FNDC3B: variants seen among roughly 807,000 people sequenced by gnomAD.
FNDC3B encodes the protein fibronectin type III domain containing 3B.
In FNDC3B, 12 loss-of-function variants were observed where a neutral mutation model predicts 151.5. That is an observed-to-expected ratio of 0.08 (90% CI 0.05 to 0.13). The LOEUF (loss-of-function observed/expected upper bound fraction) is 0.13. FNDC3B is among the 10% of genes least tolerant of loss of function. The pLI is 1.00. For missense variants in FNDC3B, 1,214 were observed against 1,505.3 expected (o/e 0.81, Z 3.20); for synonymous variants, 528 against 549.0 (o/e 0.96, Z 0.54).
At chr3:172,371,146 C>T (rs1734861546) in intron 23 of FNDC3B, among the ~76,000 whole-genome samples, 1 of 151,724 alleles carries the variant, frequency 6.6e-6, no homozygotes, top group Non-Finnish European at 1.5e-5. Flanking sequence ...TCCATGGAAG[C>T]TCCAGTCCCT....
intron 1 of FNDC3B, among the ~76,000 whole-genome samples, chr3:172,100,920 A>G (rs1380689524): frequency 6.6e-6 from 1 of 152,208 alleles, no homozygotes; most frequent in Non-Finnish European, 1.5e-5. Context: ...TTTTTGAAAA[A>G]ATATTTGAAC....
intron 1 of FNDC3B, among the ~76,000 whole-genome samples, chr3:172,109,992 A>G (rs1270517847): frequency 6.6e-6 from 1 of 152,084 alleles, no homozygotes; most frequent in East Asian, 1.9e-4. Flanking sequence ...GGATCCATCT[A>G]CCTTATCCCA....
At chr3:172,298,883 A>G in intron 9 of FNDC3B, 96 bp downstream of exon 9, 4 of 809,466 alleles carry the variant, frequency 4.9e-6, no homozygotes, top group Non-Finnish European at 5.9e-6. Context: ...AATGTTGCTT[A>G]CCTTGCTGAA....
chr3:172,367,100 C>G (rs191284866), intron 23 of FNDC3B, among the ~76,000 whole-genome samples: 1 of 152,148 alleles, frequency 6.6e-6, no homozygotes, highest in Non-Finnish European at 1.5e-5. Flanking sequence ...ATTCTACCCC[C>G]CTGGGATAGG....
chr3:172,228,066 T>C (rs1306947969), intron 4 of FNDC3B, among the ~76,000 whole-genome samples: 1 of 152,170 alleles, frequency 6.6e-6, no homozygotes, highest in Non-Finnish European at 1.5e-5. Flanking sequence ...TGTGAGCCAA[T>C]TGGACTTTAT....
Position 172,386,327 on chromosome 3 carries a change from G to A in FNDC3B, c.3303+5234G>A, listed in dbSNP as rs1299123725. Among the ~76,000 whole-genome samples, 9 of 152,274 alleles carry A rather than the reference G, an allele frequency of 5.9e-5. No homozygotes were observed. In the East Asian group the frequency reaches 1.7e-3, roughly 29 times the overall value. The stretch of plus-strand genomic sequence containing the variant: ...CAGGCAGCAATAACTTTTCTAAGAA[G>A]TATTTAATATAAGCATTGAAGACAA... On this transcript the variant is annotated intron_variant, in intron 25 of 25. Coordinates refer to ENST00000415807, the MANE Select transcript of FNDC3B (RefSeq NM_022763.4).
chr3:172,344,282 A>C, intron 19 of FNDC3B, 24 bp downstream of exon 19: 1 of 1,576,298 alleles, frequency 6.3e-7, no homozygotes, highest in Non-Finnish European at 8.6e-7. Context: ...CATACACCAT[A>C]ACCAGAATCA....
chr3:172,220,382 TGTTGA>T (rs553557414), intron 3 of FNDC3B, among the ~76,000 whole-genome samples: 105 of 152,356 alleles, frequency 6.9e-4, no homozygotes, highest in Non-Finnish European at 1.1e-3. Context: ...TTTGTCTTTT[TGTTGA>T]GTTGTGAGAG....
intron 11 of FNDC3B, among the ~76,000 whole-genome samples, chr3:172,314,853 C>T (rs61124219): frequency 0.025 from 3,822 of 152,232 alleles, 143 homozygotes; most frequent in African/African-American, 0.076. Context: ...AAAACAGAAA[C>T]GCATTACAGT....
At chr3:172,340,058 C>T (rs572191768) in intron 16 of FNDC3B, among the ~76,000 whole-genome samples, 3 of 152,276 alleles carry the variant, frequency 2.0e-5, no homozygotes, top group Admixed American at 6.5e-5. Flanking sequence ...GGAAACACAG[C>T]GTGAGTGGGA....
intron 1 of FNDC3B, among the ~76,000 whole-genome samples, chr3:172,112,227 T>C (rs1720011904): frequency 6.6e-6 from 1 of 152,246 alleles, no homozygotes. Context: ...AGGAAAGTTA[T>C]GTTCACATGG....
chr3:172,248,803 A>G (rs965362291), intron 5 of FNDC3B, among the ~76,000 whole-genome samples: 2 of 150,492 alleles, frequency 1.3e-5, no homozygotes, highest in African/African-American at 4.9e-5. Context: ...CTTTTTTGAG[A>G]TGATATTTTA....
intron 1 of FNDC3B, among the ~76,000 whole-genome samples, chr3:172,111,971 T>C (rs1458792250): frequency 6.6e-6 from 1 of 152,242 alleles, no homozygotes; most frequent in East Asian, 1.9e-4. Flanking sequence ...TTGGGCATAA[T>C]TGAAGAATAA....
intron 25 of FNDC3B, among the ~76,000 whole-genome samples, chr3:172,385,474 C>A (rs772657735): frequency 6.6e-6 from 1 of 152,182 alleles, no homozygotes; most frequent in Non-Finnish European, 1.5e-5. Flanking sequence ...GTTATTTATA[C>A]CTGCAGTGGT....
intron 3 of FNDC3B, among the ~76,000 whole-genome samples, chr3:172,147,594 C>CA (rs1721981389): frequency 6.6e-6 from 1 of 152,074 alleles, no homozygotes; most frequent in Non-Finnish European, 1.5e-5. Context: ...TCTCGGTTCT[C>CA]AAAATGTAGC....
chr3:172,125,453 G>GTAGTAGACGGTAGTAGTAGGTAGAGA (rs1390359358), intron 2 of FNDC3B, among the ~76,000 whole-genome samples: 1 of 152,134 alleles, frequency 6.6e-6, no homozygotes, highest in African/African-American at 2.4e-5. Flanking sequence ...CCAGAGAAGG[G>GTAGTAGACGGTAGTAGTAGGTAGAGA]TAGTAGACGG....
chr3:172,331,407 G>A (rs1174543412), intron 13 of FNDC3B, among the ~76,000 whole-genome samples: 3 of 152,108 alleles, frequency 2.0e-5, no homozygotes, highest in African/African-American at 4.8e-5. Context: ...ACCCAGGCTG[G>A]AGTGCAGTGG....
intron 3 of FNDC3B, among the ~76,000 whole-genome samples, chr3:172,174,744 A>G (rs1723466517): frequency 6.6e-6 from 1 of 152,162 alleles, no homozygotes; most frequent in Non-Finnish European, 1.5e-5. Flanking sequence ...ATCTTAGTAG[A>G]GAATGAAGAC....
Position 172,352,759 on chromosome 3 carries a change from C to T in FNDC3B, c.2515-44C>T. 2 of 1,584,278 alleles carry T rather than the reference C, an allele frequency of 1.3e-6. No homozygotes were observed. Among genetic ancestry groups the T allele is most frequent in the Non-Finnish European group, 1.7e-6 (2 of 1,166,454 alleles). Reference sequence around the variant, plus strand: ...GCTAACTCAGAGGCATCAAAATGTGCTAATGGTGTAATATGGCCTTTGTCT... The same window carrying T: ...GCTAACTCAGAGGCATCAAAATGTGTTAATGGTGTAATATGGCCTTTGTCT... On this transcript the variant is annotated intron_variant, in intron 21 of 25. Transcript: ENST00000415807. This position sits in a 1 kb window ranked among gnomAD's most constrained non-coding sequence, Gnocchi z 4.2.
Sources: allele counts gnomAD v4.1 joint callset (sites outside exome capture counted in the v4.1 genomes callset), GRCh38; gene constraint gnomAD v4.1.1; non-coding constraint Gnocchi (gnomAD v3.1); transcripts MANE v1.5; gene names NCBI Gene and HGNC (gene_info 2026-07-23, HGNC 2026-07-21).